The following MITF variants were observed in gnomAD, a reference collection of about 807,000 sequenced individuals.
MITF encodes the protein microphthalmia-associated transcription factor.
In MITF, 17 loss-of-function variants were observed where a neutral mutation model predicts 60.5. The ratio of observed to expected loss-of-function variants is 0.28; its 90% CI spans 0.19 to 0.42. The LOEUF is 0.42. MITF is among the 10% of genes least tolerant of loss of function. MITF has a pLI of 1.00. For missense variants in MITF, 622 were observed against 683.5 expected, an observed-to-expected ratio of 0.91 and a Z score of 1.00; for synonymous variants, 260 against 248.5, an observed-to-expected ratio of 1.05 and a Z score of -0.43.
At chr3:69,854,425 T>C (rs1233149050) in intron 1 of MITF, among the ~76,000 whole-genome samples, 3 of 152,210 alleles carry the variant, frequency 2.0e-5, no homozygotes, top group African/African-American at 7.2e-5. Context: ...TACATATACT[T>C]TAAATCACCT....
At chr3:69,806,125 C>T (rs1167818572) in intron 1 of MITF, among the ~76,000 whole-genome samples, 11 of 151,592 alleles carry the variant, frequency 7.3e-5, no homozygotes, top group Non-Finnish European at 1.6e-4. Flanking sequence ...CACTCTGTCG[C>T]CCAGGCTGGA....
At chr3:69,870,694 A>T (rs1026160641) in intron 1 of MITF, among the ~76,000 whole-genome samples, 1 of 151,910 alleles carries the variant, frequency 6.6e-6, no homozygotes, top group Admixed American at 6.6e-5. Flanking sequence ...GGATATATAT[A>T]TTTTTAAATG....
At position 69,938,021 on chromosome 3, in the gene MITF, T is replaced by C; in HGVS notation, c.554T>C (p.Leu185Pro). 1 of 1,614,186 alleles carries C rather than the reference T, an allele frequency of 6.2e-7. No homozygotes were observed. The highest frequency in any genetic ancestry group is 2.2e-5 in the East Asian group (1 of 44,848). Reference sequence around the variant, plus strand: ...GCACCCAACAGCCCCATGGCTATGCTTACGCTTAACTCCAACTGTGAAAAA... The same window carrying C: ...GCACCCAACAGCCCCATGGCTATGCCTACGCTTAACTCCAACTGTGAAAAA... ...SSAPNSPMAM[L>P]TLNSNCEKEG... Residue 185 changes from leucine to proline, a missense_variant, in exon 3 of 10, where the codon CTT (leucine) becomes CCT (proline). By Grantham distance (98) the Leu-to-Pro change is moderately conservative (BLOSUM62 -3). This residue lies in a region of MITF where 215 missense variants were observed against 224.8 expected (regional missense o/e 0.96). Transcript: ENST00000352241.
chr3:69,941,215 C>A (rs544769607), intron 4 of MITF, 21 bp from the exon 5 acceptor site: 2 of 1,524,528 alleles, frequency 1.3e-6, no homozygotes, highest in Admixed American at 1.7e-5. Flanking sequence ...TGTCTCTCTT[C>A]TCTTACCCTT....
chr3:69,818,843 C>T (rs1378778107), intron 1 of MITF, among the ~76,000 whole-genome samples: 2 of 152,082 alleles, frequency 1.3e-5, no homozygotes. Context: ...AGTGTTTACT[C>T]ACAAGGAAAG....
At chr3:69,844,074 C>T (rs2063687985) in intron 1 of MITF, among the ~76,000 whole-genome samples, 1 of 152,192 alleles carries the variant, frequency 6.6e-6, no homozygotes, top group Non-Finnish European at 1.5e-5. Context: ...GAAAACAACT[C>T]ATCCTGTTTT....
chr3:69,794,807 A>G (rs1192507395), intron 1 of MITF, among the ~76,000 whole-genome samples: 1 of 151,984 alleles, frequency 6.6e-6, no homozygotes, highest in African/African-American at 2.4e-5. Flanking sequence ...GACCTCAATC[A>G]CTCTGACTTA....
At chr3:69,773,930 G>A (rs112215467) in intron 1 of MITF, among the ~76,000 whole-genome samples, 9 of 152,254 alleles carry the variant, frequency 5.9e-5, no homozygotes, top group East Asian at 3.9e-4. Flanking sequence ...AAGACACAGC[G>A]TCTTAAGGAA....
intron 1 of MITF, among the ~76,000 whole-genome samples, chr3:69,872,925 T>C (rs939021529): frequency 2.6e-5 from 4 of 152,226 alleles, no homozygotes; most frequent in South Asian, 2.1e-4. Flanking sequence ...GACACCATGA[T>C]ATCCTGCATG....
intron 1 of MITF, among the ~76,000 whole-genome samples, chr3:69,854,758 G>T (rs1186439479): frequency 6.6e-6 from 1 of 152,084 alleles, no homozygotes; most frequent in Non-Finnish European, 1.5e-5. Flanking sequence ...AGCATCCCTG[G>T]CCTCTACTCA....
At chr3:69,782,393 T>G (rs2062580181) in intron 1 of MITF, among the ~76,000 whole-genome samples, 1 of 152,244 alleles carries the variant, frequency 6.6e-6, no homozygotes, top group Non-Finnish European at 1.5e-5. Flanking sequence ...ATTTATTGAA[T>G]GCTTATTATG....
At position 69,914,253 on chromosome 3, in the gene MITF, C is replaced by T. The variant is rs901997487; in HGVS notation, c.355-23569C>T. Among the ~76,000 whole-genome samples, 10 of 152,240 alleles carry T rather than the reference C, an allele frequency of 6.6e-5. No individual in the cohort carries two copies. The East Asian group carries it at 1.9e-3, about 29-fold the overall frequency. ...TCTCCTGCCTCAGCCTTTTGAGTAG[C>T]TGGAATTACAGGCACATGCCACCAC... is the stretch of plus-strand genomic sequence containing the variant. On this transcript the variant is annotated intron_variant, in intron 2 of 9. Coordinates refer to ENST00000352241, the MANE Select transcript of MITF (RefSeq NM_001354604.2).
At chr3:69,803,510 A>G (rs2062955743) in intron 1 of MITF, among the ~76,000 whole-genome samples, 1 of 152,182 alleles carries the variant, frequency 6.6e-6, no homozygotes, top group South Asian at 2.1e-4. Flanking sequence ...TTTTGGTATG[A>G]AATAGTTTGC....
chr3:69,936,717 A>G (rs779987092), intron 2 of MITF: 1 of 1,613,734 alleles, frequency 6.2e-7, no homozygotes. Flanking sequence ...CACCTAAAAC[A>G]TTGTTATGCT....
intron 1 of MITF, among the ~76,000 whole-genome samples, chr3:69,799,052 T>C (rs1045377023): frequency 6.6e-6 from 1 of 152,192 alleles, no homozygotes; most frequent in African/African-American, 2.4e-5. Flanking sequence ...TGGATTACCA[T>C]GGTATGTTTC....
At chr3:69,931,773 A>T (rs147822293) in intron 2 of MITF, among the ~76,000 whole-genome samples, 1 of 152,154 alleles carries the variant, frequency 6.6e-6, no homozygotes, top group Admixed American at 6.6e-5. Context: ...ACACCCCTGG[A>T]TTTACACAGT....
chr3:69,819,637 A>AC (rs2063235056), intron 1 of MITF, among the ~76,000 whole-genome samples: 1 of 151,388 alleles, frequency 6.6e-6, no homozygotes, highest in Non-Finnish European at 1.5e-5. Flanking sequence ...ACAAAACAAA[A>AC]CAAACAAACA....
At chr3:69,867,265 A>C (rs550713492) in intron 1 of MITF, among the ~76,000 whole-genome samples, 1 of 152,244 alleles carries the variant, frequency 6.6e-6, no homozygotes, top group South Asian at 2.1e-4. Flanking sequence ...GGTGTGTTTA[A>C]AGACAGCAAG....
intron 1 of MITF, among the ~76,000 whole-genome samples, chr3:69,860,597 C>CAAAAAA (rs1039213953): frequency 6.6e-5 from 4 of 60,766 alleles, no homozygotes; most frequent in African/African-American, 1.4e-4. Context: ...GACTCCGTCT[C>CAAAAAA]AAAAAAAAAA....
Sources: allele counts gnomAD v4.1 joint callset (sites outside exome capture counted in the v4.1 genomes callset), GRCh38; gene constraint gnomAD v4.1.1; regional missense constraint gnomAD v4.1.1; transcripts MANE v1.5; gene names NCBI Gene and HGNC (gene_info 2026-07-23, HGNC 2026-07-21).